The following PLCG2 variants were observed in gnomAD, a reference collection of about 807,000 sequenced individuals.
The protein encoded by PLCG2 is 1-phosphatidylinositol 4,5-bisphosphate phosphodiesterase gamma-2.
In PLCG2, 69 loss-of-function variants were observed where a neutral mutation model predicts 175.6. That is an observed-to-expected ratio of 0.39 (90% CI 0.32 to 0.48). The LOEUF is 0.48. Among genes scored for constraint, PLCG2 ranks in the 20% least tolerant of loss-of-function variants. PLCG2 has a pLI of 0.91. For missense variants in PLCG2, 1,798 were observed against 1,650.9 expected (o/e 1.09, Z -1.54); for synonymous variants, 827 against 624.0 (o/e 1.33, Z -4.85).
intron 31 of PLCG2, among the ~76,000 whole-genome samples, chr16:81,955,839 C>T (rs536305889): frequency 1.1e-4 from 17 of 152,202 alleles, no homozygotes; most frequent in African/African-American, 1.9e-4. Flanking sequence ...ACAGGTGAGG[C>T]ACATGCCCAT....
chr16:81,917,754 C>G (rs970478841), intron 19 of PLCG2, among the ~76,000 whole-genome samples: 2 of 152,148 alleles, frequency 1.3e-5, no homozygotes, highest in Non-Finnish European at 2.9e-5. Context: ...TGGAGTCTTG[C>G]TCTGTTGCCC....
At chr16:81,833,405 C>T (rs111634911) in intron 2 of PLCG2, among the ~76,000 whole-genome samples, 4,754 of 151,688 alleles carry the variant, frequency 0.031, 109 homozygotes, top group East Asian at 0.069. Flanking sequence ...TATTCTGGCC[C>T]GGGGTGGCCG....
intron 19 of PLCG2, among the ~76,000 whole-genome samples, chr16:81,914,092 G>A (rs543791653): frequency 6.6e-6 from 1 of 152,342 alleles, no homozygotes; most frequent in South Asian, 2.1e-4. Context: ...GGGAGGAGGT[G>A]TGTTCAGTCC....
At chr16:81,801,177 A>G (rs777507318) in intron 2 of PLCG2, among the ~76,000 whole-genome samples, 3 of 152,306 alleles carry the variant, frequency 2.0e-5, no homozygotes, top group Middle Eastern at 3.4e-3. Context: ...GAGAATAAAT[A>G]ACCCCCAACC....
At chr16:81,762,242 T>G (rs889631051) in intron 2 of PLCG2, among the ~76,000 whole-genome samples, 2 of 152,302 alleles carry the variant, frequency 1.3e-5, no homozygotes, top group South Asian at 4.1e-4. Flanking sequence ...TGCATACATA[T>G]GTTGCTATTA....
intron 2 of PLCG2, among the ~76,000 whole-genome samples, chr16:81,830,649 T>G (rs779852977): frequency 1.4e-3 from 80 of 56,460 alleles, no homozygotes; most frequent in East Asian, 7.0e-3. Flanking sequence ...ATGTGTGGGG[T>G]GTGTGTGTGT....
At chr16:81,862,490 GC>G (rs914499197) in intron 5 of PLCG2, among the ~76,000 whole-genome samples, 3 of 152,224 alleles carry the variant, frequency 2.0e-5, no homozygotes, top group Admixed American at 1.3e-4. Flanking sequence ...GACTAAAGCA[GC>G]CCAGGTTGTC....
chr16:81,784,820 G>A (rs1910897975), intron 1 of PLCG2, among the ~76,000 whole-genome samples: 1 of 152,108 alleles, frequency 6.6e-6, no homozygotes, highest in Non-Finnish European at 1.5e-5. Context: ...TGGCAAGGGG[G>A]TCCCTGGTGG....
chr16:81,901,495 A>G (rs978397663), intron 14 of PLCG2, among the ~76,000 whole-genome samples: 2 of 152,214 alleles, frequency 1.3e-5, no homozygotes, highest in Admixed American at 1.3e-4. Flanking sequence ...ATTCTGCTCT[A>G]GCATCTCTCA....
chr16:81,909,249 G>C (rs1909512434), intron 17 of PLCG2, among the ~76,000 whole-genome samples: 1 of 152,196 alleles, frequency 6.6e-6, no homozygotes, highest in Non-Finnish European at 1.5e-5. Context: ...TGAGTGCAAT[G>C]AAACAAGGCA....
At chr16:81,746,233 C>G (rs898910983) in intron 1 of PLCG2, among the ~76,000 whole-genome samples, 1 of 152,218 alleles carries the variant, frequency 6.6e-6, no homozygotes, top group African/African-American at 2.4e-5. Flanking sequence ...CTCCCCGGTG[C>G]TTCCCGGTTT....
At chr16:81,853,330 C>G (rs1364502590) in intron 2 of PLCG2, among the ~76,000 whole-genome samples, 4 of 144,076 alleles carry the variant, frequency 2.8e-5, no homozygotes, top group African/African-American at 1.1e-4. Flanking sequence ...GATTCTGTCT[C>G]AAAAAAAAAA....
In PLCG2 at chr16:81,908,475, G is replaced by A. The variant is rs778586506; in HGVS notation, c.1617G>A (p.Lys539=). The A allele has an allele frequency of 1.2e-6, 2 of 1,614,178 alleles. No homozygotes were observed. Among genetic ancestry groups the A allele is most frequent in the South Asian group, 2.2e-5 (2 of 91,076 alleles). ...AATGGTTCCACAAGAAGGTGGAGAA[G>A]AGGACGAGTGCCGAGAAGTTGCTGC... is the stretch of plus-strand genomic sequence containing the variant. ...GEKWFHKKVE[K]RTSAEKLLQE... The change falls in exon 17 of 33, where the codon AAG becomes AAA. Residue 539 remains lysine, a synonymous_variant. Coordinates refer to ENST00000564138, the MANE Select transcript of PLCG2 (RefSeq NM_002661.5).
chr16:81,775,132 C>G (rs555290629), upstream of PLCG2, among the ~76,000 whole-genome samples: 3 of 152,256 alleles, frequency 2.0e-5, no homozygotes, highest in East Asian at 5.8e-4. Flanking sequence ...ACAGAGGCTT[C>G]AGCACATTCA....
intron 5 of PLCG2, among the ~76,000 whole-genome samples, chr16:81,866,114 T>C (rs61098900): frequency 5.2e-5 from 5 of 96,008 alleles, no homozygotes; most frequent in Admixed American, 2.6e-4. Flanking sequence ...AGGATGCTGG[T>C]CTCTCCCTTG....
chr16:81,760,759 ATAAT>A (rs1290203145), intron 2 of PLCG2, among the ~76,000 whole-genome samples: 5 of 135,538 alleles, frequency 3.7e-5, no homozygotes, highest in East Asian at 2.2e-4. Flanking sequence ...AAAAAAAAAA[ATAAT>A]AATAATAATA....
At chr16:81,869,834 A>G (rs1234373872) in intron 6 of PLCG2, among the ~76,000 whole-genome samples, 1 of 152,136 alleles carries the variant, frequency 6.6e-6, no homozygotes, top group Non-Finnish European at 1.5e-5. Flanking sequence ...CCACTCCATG[A>G]GTGATGGGAT....
At chr16:81,757,291 A>G (rs1386240704) in intron 2 of PLCG2, among the ~76,000 whole-genome samples, 2 of 152,162 alleles carry the variant, frequency 1.3e-5, no homozygotes, top group East Asian at 3.9e-4. Context: ...CCCTGGAAAC[A>G]AAACACACAA....
chr16:81,905,940 G>A (rs1348115496), intron 15 of PLCG2, among the ~76,000 whole-genome samples: 2 of 152,196 alleles, frequency 1.3e-5, no homozygotes, highest in African/African-American at 2.4e-5. Context: ...GATTATAGGC[G>A]TAAGCTTCTA....
Sources: allele counts gnomAD v4.1 joint callset (sites outside exome capture counted in the v4.1 genomes callset), GRCh38; gene constraint gnomAD v4.1.1; transcripts MANE v1.5; gene names NCBI Gene and HGNC (gene_info 2026-07-23, HGNC 2026-07-21).